Variants in EHMT1 observed in about 807,000 individuals in gnomAD.
EHMT1 encodes the protein euchromatic histone lysine methyltransferase 1, also known as histone-lysine N-methyltransferase EHMT1.
EHMT1 carries 15 observed loss-of-function variants against 147.2 expected under a neutral mutation model. The observed-to-expected ratio is 0.10, with a 90% CI of 0.07 to 0.16. The LOEUF is 0.16. Among genes scored for constraint, EHMT1 ranks in the 10% least tolerant of loss-of-function variants. The pLI is 1.00. For synonymous variants in EHMT1, 795 were observed against 709.6 expected, an observed-to-expected ratio of 1.12 and a Z score of -1.91; for missense variants, 1,587 against 1,772.4, an observed-to-expected ratio of 0.90 and a Z score of 1.88.
intron 1 of EHMT1, among the ~76,000 whole-genome samples, chr9:137,637,229 G>A (rs968536985): frequency 4.6e-5 from 7 of 152,048 alleles, no homozygotes; most frequent in Non-Finnish European, 8.8e-5. Flanking sequence ...AGGCTGGAGT[G>A]CAGTGGTGCA....
intron 18 of EHMT1, among the ~76,000 whole-genome samples, chr9:137,802,078 C>T (rs1953535362): frequency 6.6e-6 from 1 of 152,226 alleles, no homozygotes; most frequent in Admixed American, 6.5e-5. Context: ...GATAGGAGGA[C>T]TCCCCAGCCT....
chr9:137,756,921 T>C (rs1030602502), intron 8 of EHMT1, among the ~76,000 whole-genome samples: 2 of 152,316 alleles, frequency 1.3e-5, no homozygotes, highest in Middle Eastern at 3.4e-3. Context: ...AGGTGGAGCA[T>C]GTGGCTTGAA....
intron 3 of EHMT1, among the ~76,000 whole-genome samples, chr9:137,717,581 G>C (rs1471772656): frequency 1.3e-5 from 2 of 148,386 alleles, no homozygotes; most frequent in Non-Finnish European, 1.5e-5. Flanking sequence ...ACTCCAGCTT[G>C]GGCACCAGAG....
chr9:137,651,673 T>C lies in EHMT1; in HGVS notation c.21+32624T>C, dbSNP rs529881480. 3.3e-5 allele frequency among the ~76,000 whole-genome samples: 5 copies of C among 152,254 alleles called. No individual in the cohort carries two copies. In the East Asian group the frequency reaches 5.8e-4, roughly 18 times the overall value. ...AGCTGGGCCTGTTGGCACACACTTATAATCCCAGCTACTTGGGAGGCTGAG... is the reference window on the plus strand; with the variant it reads ...AGCTGGGCCTGTTGGCACACACTTACAATCCCAGCTACTTGGGAGGCTGAG... On this transcript the variant is annotated intron_variant, in intron 1 of 26. Transcript: ENST00000460843.
chr9:137,792,108 A>G (rs568258221), intron 16 of EHMT1: 2 of 470,030 alleles, frequency 4.3e-6, no homozygotes, highest in African/African-American at 4.0e-5. Flanking sequence ...AGAGAAGCCA[A>G]ACAATTTTGT....
intron 25 of EHMT1, among the ~76,000 whole-genome samples, chr9:137,820,652 G>A (rs1955338680): frequency 1.3e-5 from 2 of 152,200 alleles, no homozygotes; most frequent in Admixed American, 1.3e-4. Context: ...TGTGTGTGAT[G>A]TAAGATCAGA....
chr9:137,825,121 C>T (rs879820818), intron 25 of EHMT1, among the ~76,000 whole-genome samples: 4 of 152,168 alleles, frequency 2.6e-5, no homozygotes, highest in Non-Finnish European at 5.9e-5. Flanking sequence ...GGCTGGCAAC[C>T]GGGGGTGCTC....
chr9:137,774,891 C>T (rs910507560), intron 10 of EHMT1, among the ~76,000 whole-genome samples: 2 of 152,196 alleles, frequency 1.3e-5, no homozygotes, highest in East Asian at 1.9e-4. Flanking sequence ...AGATGATGGG[C>T]GTTTCCTTCT....
chr9:137,833,496 C>T (rs916230159), intron 25 of EHMT1, among the ~76,000 whole-genome samples: 3 of 152,238 alleles, frequency 2.0e-5, no homozygotes, highest in African/African-American at 7.2e-5. Flanking sequence ...CCGGCCGGGA[C>T]CACCTACCTT....
At chr9:137,658,963 G>C (rs952453366) in intron 1 of EHMT1, among the ~76,000 whole-genome samples, 1 of 152,086 alleles carries the variant, frequency 6.6e-6, no homozygotes. Context: ...TTGGGCTGGA[G>C]TGGAACTGCT....
Position 137,754,194 on chromosome 9 carries a change from G to T in EHMT1, c.1272G>T (p.Lys424Asn), listed in dbSNP as rs767202496. The T allele has an allele frequency of 3.1e-6, 5 of 1,614,008 alleles. No homozygotes were observed. The highest frequency in any genetic ancestry group is 2.7e-5 in the African/African-American group (2 of 74,906). Reference sequence around the variant, plus strand: ...AGAGTTCGGAATCCAGCATTAAGAAGAAATTTCTCAAGAGGAAAGGAAAGA... The same window carrying T: ...AGAGTTCGGAATCCAGCATTAAGAATAAATTTCTCAAGAGGAAAGGAAAGA... ...SDLSSESSIK[K>N]KFLKRKGKTD... The change falls in exon 8 of 27, where the codon AAG (lysine) becomes AAT (asparagine). Residue 424 changes from lysine to asparagine, a missense_variant. By Grantham distance (94) the Lys-to-Asn change is moderately conservative. This residue lies in a region of EHMT1 where 810 missense variants were observed against 673.0 expected (regional missense o/e 1.20). Coordinates refer to ENST00000460843, the MANE Select transcript of EHMT1 (RefSeq NM_024757.5).
chr9:137,717,605 CAAAAAAA>C (rs1163785484), intron 3 of EHMT1, among the ~76,000 whole-genome samples: 6 of 69,630 alleles, frequency 8.6e-5, no homozygotes, highest in African/African-American at 4.2e-4. Flanking sequence ...GACCCTGTCT[CAAAAAAA>C]AAAAAAAAAA....
chr9:137,781,253 G>GAC (rs1450632951), intron 14 of EHMT1, among the ~76,000 whole-genome samples: 7 of 114,660 alleles, frequency 6.1e-5, no homozygotes, highest in Non-Finnish European at 1.0e-4. Flanking sequence ...TGGGACGTGT[G>GAC]GTGACGACGC....
Position 137,816,012 on chromosome 9 carries a change from G to A in EHMT1, c.3324G>A (p.Ala1108=), listed in dbSNP as rs377320362. ...CCTTGATCTTCGAATGCAACCACGC[G>A]TGCTCCTGCTGGAGGAACTGCCGAA... ...EPPLIFECNH[A]CSCWRNCRNR... is the part of the protein sequence containing the mutation. The change falls in exon 23 of 27, where the codon GCG becomes GCA. Residue 1108 remains alanine, a synonymous_variant. Coordinates refer to ENST00000460843, the MANE Select transcript of EHMT1 (RefSeq NM_024757.5). 293 of 1,613,222 alleles carry A rather than the reference G, an allele frequency of 1.8e-4. No individual in the cohort carries two copies. The highest frequency in any genetic ancestry group is 1.5e-3 in the South Asian group (133 of 90,814).
intron 1 of EHMT1, among the ~76,000 whole-genome samples, chr9:137,690,970 A>C (rs2134858417): frequency 6.6e-6 from 1 of 152,296 alleles, no homozygotes; most frequent in South Asian, 2.1e-4. Flanking sequence ...CACCATCTTA[A>C]CCATTTTTAA....
At chr9:137,714,288 A>G (rs1223555148) in intron 2 of EHMT1, among the ~76,000 whole-genome samples, 1 of 152,156 alleles carries the variant, frequency 6.6e-6, no homozygotes, top group Non-Finnish European at 1.5e-5. Context: ...TAGATGCCCT[A>G]TGTTAGATTG....
chr9:137,790,682 A>G (rs921995610), intron 15 of EHMT1, among the ~76,000 whole-genome samples, 166 bp from the exon 16 acceptor site: 3 of 152,258 alleles, frequency 2.0e-5, no homozygotes, highest in Non-Finnish European at 4.4e-5. Context: ...TTTGATAATA[A>G]TAGAATAATT....
chr9:137,651,788 G>A (rs1052103079), intron 1 of EHMT1, among the ~76,000 whole-genome samples: 22 of 152,086 alleles, frequency 1.4e-4, no homozygotes, highest in African/African-American at 4.1e-4. Context: ...GCGAGACGCC[G>A]TCTCAAGAAA....
chr9:137,715,635 AGTGT>A (rs1945142955), intron 2 of EHMT1: 1 of 985,236 alleles, frequency 1.0e-6, no homozygotes, highest in Non-Finnish European at 1.2e-6. Context: ...TCCTGAGCTG[AGTGT>A]GTGTGTCAAT....
Sources: allele counts gnomAD v4.1 joint callset (sites outside exome capture counted in the v4.1 genomes callset), GRCh38; gene constraint gnomAD v4.1.1; regional missense constraint gnomAD v4.1.1; transcripts MANE v1.5; gene names NCBI Gene and HGNC (gene_info 2026-07-23, HGNC 2026-07-21).